The following TP53I11 variants were observed in gnomAD, a reference collection of about 807,000 sequenced individuals.
TP53I11 encodes tumor protein p53 inducible protein 11.
A neutral mutation model predicts 23.3 loss-of-function variants in TP53I11; 9 were observed. The observed-to-expected ratio is 0.39, with a 90% CI of 0.23 to 0.67. TP53I11 has a LOEUF of 0.67. TP53I11 is among the 30% of genes least tolerant of loss of function. TP53I11 has a pLI of 0.48. For synonymous variants in TP53I11, 100 were observed against 106.1 expected, an observed-to-expected ratio of 0.94 and a Z score of 0.35; for missense variants, 170 against 255.2, an observed-to-expected ratio of 0.67 and a Z score of 2.27.
At chr11:44,942,013 C>A (rs1312912095) in intron 1 of TP53I11, among the ~76,000 whole-genome samples, 2 of 5,264 alleles carry the variant, frequency 3.8e-4, no homozygotes, top group African/African-American at 1.4e-3. Context: ...ACCATACTCA[C>A]GCCACACACA....
rs578018040 is a variant in TP53I11 at position 44,945,557 on chromosome 11, G to A, written c.-32+5120C>T. Reference sequence around the variant, plus strand: ...CCATCTTCCCCATGGCAACTCCCCCGGAAAGTCCCTGGTGGTCGCCAGCAT... The same window carrying A: ...CCATCTTCCCCATGGCAACTCCCCCAGAAAGTCCCTGGTGGTCGCCAGCAT... On this transcript the variant is annotated intron_variant, in intron 1 of 6. Coordinates refer to ENST00000525680, the MANE Select transcript of TP53I11 (RefSeq NM_006034.5). 9.2e-5 allele frequency among the ~76,000 whole-genome samples: 14 copies of A among 152,178 alleles called. No individual in the cohort carries two copies. In the East Asian group the frequency reaches 9.7e-4, roughly 11 times the overall value.
At chr11:44,949,702 C>A (rs1862750015) in intron 1 of TP53I11, among the ~76,000 whole-genome samples, 1 of 152,126 alleles carries the variant, frequency 6.6e-6, no homozygotes, top group African/African-American at 2.4e-5. Flanking sequence ...ACAGCCTCCC[C>A]CGGGTAGGTG....
chr11:44,944,191 C>G (rs1379760783), intron 1 of TP53I11, among the ~76,000 whole-genome samples: 1 of 152,154 alleles, frequency 6.6e-6, no homozygotes, highest in Non-Finnish European at 1.5e-5. Context: ...GGGGTCTGGA[C>G]AGCCGTGAAG....
At position 44,935,608 on chromosome 11, in the gene TP53I11, C is replaced by T. The variant is rs897730445; in HGVS notation, c.389G>A (p.Arg130Gln). 21 of 1,613,278 alleles carry T rather than the reference C, an allele frequency of 1.3e-5. No individual in the cohort carries two copies. Among genetic ancestry groups the T allele is most frequent in the East Asian group, 2.2e-5 (1 of 44,818 alleles). The change falls in exon 6 of 7, where the codon CGA becomes CAA. Residue 130 changes from arginine to glutamine, a missense_variant. Transcript: ENST00000525680. The stretch of plus-strand genomic sequence containing the variant: ...GCAAGCTTCGGTGAGCAGGGTCCAT[C>T]GAATGATGACCTTCTCAGCCGTGTA... ...ALYTAEKVIIRWTLLTEACYF... is the reference protein window; with the variant it reads ...ALYTAEKVIIQWTLLTEACYF...
chr11:44,939,776 T>C (rs919686160), intron 1 of TP53I11, among the ~76,000 whole-genome samples: 5 of 152,222 alleles, frequency 3.3e-5, no homozygotes, highest in Non-Finnish European at 5.9e-5. Flanking sequence ...TTAGTGAGTG[T>C]GATGTCATTT....
chr11:44,946,926 T>C, intron 1 of TP53I11: 1 of 438,452 alleles, frequency 2.3e-6, no homozygotes, highest in Non-Finnish European at 4.6e-6. Flanking sequence ...ACAGGTCCTA[T>C]CTTCCTACTC....
intron 1 of TP53I11, among the ~76,000 whole-genome samples, chr11:44,945,712 TG>T (rs1419267903): frequency 1.3e-5 from 2 of 151,922 alleles, no homozygotes; most frequent in Non-Finnish European, 2.9e-5. Context: ...AAATGGGGTC[TG>T]GGACAGGGCA....
intron 1 of TP53I11, among the ~76,000 whole-genome samples, chr11:44,942,414 C>A (rs1405486352): frequency 7.4e-6 from 1 of 134,428 alleles, no homozygotes; most frequent in Non-Finnish European, 1.6e-5. Context: ...ACACACACAC[C>A]ACACACACAC....
At position 44,948,152 on chromosome 11, in the gene TP53I11, G is replaced by A. The variant is rs550652404; in HGVS notation, c.-32+2525C>T. Among the ~76,000 whole-genome samples, 12 of 152,202 alleles carry A rather than the reference G, an allele frequency of 7.9e-5. No individual in the cohort carries two copies. The South Asian group carries it at 1.2e-3, about 16-fold the overall frequency. ...GATAAACAGTGAGACACAGGGTGCC[G>A]GGGAGGTATCGTGGACCAGGAGTCA... is the stretch of plus-strand genomic sequence containing the variant. On this transcript the variant is annotated intron_variant, in intron 1 of 6. Coordinates refer to ENST00000525680, the MANE Select transcript of TP53I11 (RefSeq NM_006034.5).
Position 44,935,681 on chromosome 11 carries a change from A to ATGGG in TP53I11, c.335-20_335-19insCCCA. On this transcript the variant is annotated intron_variant, in intron 5 of 6. Transcript: ENST00000525680. ...GAGATGCCTGGGGCGGGGGATGAAA[A>ATGGG]GGGGGCTGGGGGTGGGACAGCTGAC... is the stretch of plus-strand genomic sequence containing the variant. 6 of 538,870 alleles carry ATGGG rather than the reference A, an allele frequency of 1.1e-5. No individual in the cohort carries two copies. Among genetic ancestry groups the ATGGG allele is most frequent in the Non-Finnish European group, 1.9e-5 (6 of 308,670 alleles). The allele number at this position is 538,870 out of a possible 1,614,324, so 33.4% of individuals were successfully genotyped here.
intron 1 of TP53I11, among the ~76,000 whole-genome samples, chr11:44,945,054 G>A (rs192485028): frequency 6.6e-6 from 1 of 152,220 alleles, no homozygotes; most frequent in South Asian, 2.1e-4. Context: ...GGGAAGATGA[G>A]GGAGGGAAGA....
chr11:44,942,393 CCACAAACACCA>C lies in TP53I11; in HGVS notation c.-31-4038_-31-4028del. Reference sequence around the variant, plus strand: ...CAACCATACACACACACCACACAAACCACAAACACCACACACACACCACACACACACACCAT... The same window carrying C: ...CAACCATACACACACACCACACAAACCACACACACCACACACACACACCAT... On this transcript the variant is annotated intron_variant, in intron 1 of 6. Transcript: ENST00000525680. Among the ~76,000 whole-genome samples, 4 of 148,020 alleles carry C rather than the reference CCACAAACACCA, an allele frequency of 2.7e-5. 1 individual carries two copies. The highest frequency in any genetic ancestry group is 1.0e-4 in the African/African-American group (4 of 40,114).
At chr11:44,938,433 T>TGA in intron 1 of TP53I11, 67 bp from the exon 2 acceptor site, 1 of 1,427,722 alleles carries the variant, frequency 7.0e-7, no homozygotes, top group Non-Finnish European at 9.2e-7. Flanking sequence ...GGAAGGGGCC[T>TGA]GACTAGCGGA....
At chr11:44,948,019 G>A (rs1862557339) in intron 1 of TP53I11, among the ~76,000 whole-genome samples, 1 of 152,220 alleles carries the variant, frequency 6.6e-6, no homozygotes, top group Non-Finnish European at 1.5e-5. Flanking sequence ...TGGGTGCTCA[G>A]AAGGGACTGG....
intron 4 of TP53I11, 140 bp downstream of exon 4, chr11:44,937,164 G>T: frequency 4.5e-6 from 5 of 1,108,380 alleles, no homozygotes; most frequent in Non-Finnish European, 6.6e-6. Flanking sequence ...TAGGAGTCAG[G>T]TTCTCGGAGG....
chr11:44,940,797 T>C (rs1204451009), intron 1 of TP53I11: 1 of 152,172 alleles, frequency 6.6e-6, no homozygotes, highest in East Asian at 1.9e-4. Context: ...TACATCCCTG[T>C]TGGACTTTCA....
intron 1 of TP53I11, chr11:44,950,293 T>A (rs1009266229): frequency 1.3e-5 from 2 of 151,972 alleles, no homozygotes; most frequent in Non-Finnish European, 2.9e-5. Flanking sequence ...GCTCCGTTTC[T>A]CTCCTGCTCT....
rs573136418 is a variant in TP53I11 at position 44,935,592 on chromosome 11, G to A, written c.405C>T (p.Thr135=). Residue 135 remains threonine, a synonymous_variant, in exon 6 of 7, where the codon ACC becomes ACT. Transcript: ENST00000525680. ...ACTGGACCCCGAAATAGCAAGCTTCGGTGAGCAGGGTCCATCGAATGATGA... is the reference window on the plus strand; with the variant it reads ...ACTGGACCCCGAAATAGCAAGCTTCAGTGAGCAGGGTCCATCGAATGATGA... The part of the protein sequence containing the change: ...EKVIIRWTLL[T]EACYFGVQFL... 2.0e-5 allele frequency: 32 copies of A among 1,613,966 alleles called. No individual in the cohort carries two copies. The highest frequency in any genetic ancestry group is 1.9e-4 in the South Asian group (17 of 91,076).
At chr11:44,945,862 C>T (rs966857787) in intron 1 of TP53I11, among the ~76,000 whole-genome samples, 14 of 152,164 alleles carry the variant, frequency 9.2e-5, no homozygotes, top group African/African-American at 2.2e-4. Flanking sequence ...TTGCGTCATC[C>T]GCTCCAGCTG....
Sources: gnomAD v4.1 joint callset for allele counts (sites outside exome capture counted in the v4.1 genomes callset) on GRCh38, gnomAD v4.1.1 for gene constraint, MANE v1.5 for transcripts, NCBI Gene and HGNC (gene_info 2026-07-23, HGNC 2026-07-21) for gene names.